NPAS2: variants seen among roughly 807,000 people sequenced by gnomAD.
NPAS2 encodes the protein neuronal PAS domain protein 2, also known as neuronal PAS domain-containing protein 2.
A neutral mutation model predicts 107.5 loss-of-function variants in NPAS2; 23 were observed. That is an observed-to-expected ratio of 0.21 (90% CI 0.15 to 0.30). The LOEUF is 0.30. Ranked by LOEUF, NPAS2 falls within the 10% of genes least tolerant of loss-of-function variation. The probability of loss-of-function intolerance (pLI) is 1.00; values close to 1 mark genes in which losing one functional copy is unlikely to be tolerated. For missense variants in NPAS2, 756 were observed against 1,043.3 expected (o/e 0.72, Z 3.79); for synonymous variants, 403 against 417.5 (o/e 0.97, Z 0.42).
chr2:100,948,214 G>C (rs1324659295), intron 5 of NPAS2, 21 bp from the exon 6 acceptor site: 2 of 1,610,662 alleles, frequency 1.2e-6, no homozygotes, highest in Non-Finnish European at 1.7e-6. Flanking sequence ...GTGTACCTTT[G>C]TCCTTTATTT....
chr2:100,952,671 G>A (rs552454073), intron 7 of NPAS2, among the ~76,000 whole-genome samples: 6 of 152,132 alleles, frequency 3.9e-5, no homozygotes, highest in African/African-American at 1.4e-4. Flanking sequence ...TTAAGATGCT[G>A]CTGAATATCC....
Position 100,820,596 on chromosome 2 carries a change from T to TC in NPAS2, c.-23+184dup, listed in dbSNP as rs1231211985. ...GGGGGCGCGGAGAGGTGGGTTCCCCTCCACAGTCAGGCCGCTGGGGGCTTC... is the reference window on the plus strand; with the variant it reads ...GGGGGCGCGGAGAGGTGGGTTCCCCTCCCACAGTCAGGCCGCTGGGGGCTTC... On this transcript the variant is annotated intron_variant, in intron 1 of 20. Coordinates refer to ENST00000335681, the MANE Select transcript of NPAS2 (RefSeq NM_002518.4). The surrounding 1 kb of genome is among the most constrained non-coding windows in gnomAD (Gnocchi z 5.6). Among the ~76,000 whole-genome samples the TC allele has an allele frequency of 6.6e-6, 1 of 151,928 alleles. No individual in the cohort carries two copies. Among genetic ancestry groups the TC allele is most frequent in the Non-Finnish European group, 1.5e-5 (1 of 67,920 alleles).
At chr2:100,926,798 G>A (rs1262314837) in intron 3 of NPAS2, among the ~76,000 whole-genome samples, 2 of 152,094 alleles carry the variant, frequency 1.3e-5, no homozygotes, top group Non-Finnish European at 2.9e-5. Context: ...ATTTTAATCA[G>A]TTAATGTCAA....
At chr2:100,824,847 G>A (rs1407059957) in intron 1 of NPAS2, among the ~76,000 whole-genome samples, 1 of 152,166 alleles carries the variant, frequency 6.6e-6, no homozygotes, top group Non-Finnish European at 1.5e-5. Flanking sequence ...AGTAAATCTT[G>A]AAAACCAAGT....
At chr2:100,839,035 C>G (rs916919719) in intron 1 of NPAS2, among the ~76,000 whole-genome samples, 1 of 152,140 alleles carries the variant, frequency 6.6e-6, no homozygotes, top group East Asian at 1.9e-4. Context: ...TCTCCCACCC[C>G]TGAGACAGCA....
intron 5 of NPAS2, among the ~76,000 whole-genome samples, chr2:100,941,038 G>T (rs1300766421): frequency 6.6e-6 from 1 of 152,200 alleles, no homozygotes; most frequent in Non-Finnish European, 1.5e-5. Flanking sequence ...TGTGACTGGG[G>T]ATTGGAGAGC....
intron 16 of NPAS2, chr2:100,982,629 C>T (rs1420738716): frequency 2.6e-5 from 14 of 530,826 alleles, no homozygotes; most frequent in Non-Finnish European, 4.1e-5. Context: ...CTGCTCACTG[C>T]CTCCACCTAC....
chr2:100,978,660 GTAAGTC>G (rs1677197096), intron 15 of NPAS2, among the ~76,000 whole-genome samples: 1 of 152,256 alleles, frequency 6.6e-6, no homozygotes, highest in East Asian at 1.9e-4. Context: ...ATGTAAAGAT[GTAAGTC>G]AGCCCTTGCT....
intron 1 of NPAS2, among the ~76,000 whole-genome samples, chr2:100,840,265 T>C (rs1206750889): frequency 1.3e-5 from 2 of 152,154 alleles, no homozygotes; most frequent in Admixed American, 6.5e-5. Flanking sequence ...TATCTAAATT[T>C]TACAGTTCCA....
At chr2:100,982,450 G>T in intron 16 of NPAS2, 73 bp downstream of exon 16, 1 of 1,557,578 alleles carries the variant, frequency 6.4e-7, no homozygotes. Flanking sequence ...TTTCCGGGCA[G>T]CCAGGACTTC....
chr2:100,906,424 CA>C (rs1682149509), intron 2 of NPAS2, among the ~76,000 whole-genome samples: 1 of 152,210 alleles, frequency 6.6e-6, no homozygotes, highest in African/African-American at 2.4e-5. Flanking sequence ...CCTCATCTCT[CA>C]AAGCCTCTGT....
At chr2:100,847,617 A>T (rs1317691491) in intron 1 of NPAS2, among the ~76,000 whole-genome samples, 1 of 152,116 alleles carries the variant, frequency 6.6e-6, no homozygotes, top group Non-Finnish European at 1.5e-5. Context: ...TGATCCGCCC[A>T]CCTTGGCCTC....
chr2:100,847,624 C>T (rs1413455669), intron 1 of NPAS2, among the ~76,000 whole-genome samples: 4 of 152,196 alleles, frequency 2.6e-5, no homozygotes, highest in Non-Finnish European at 5.9e-5. Context: ...CCCACCTTGG[C>T]CTCCCAAAGT....
intron 1 of NPAS2, among the ~76,000 whole-genome samples, chr2:100,852,573 C>A (rs1241540596): frequency 6.6e-6 from 1 of 152,064 alleles, no homozygotes; most frequent in Non-Finnish European, 1.5e-5. Flanking sequence ...ACAGCATACC[C>A]CATTTGGCCC....
intron 1 of NPAS2, among the ~76,000 whole-genome samples, chr2:100,863,690 A>C (rs1035084195): frequency 2.0e-5 from 3 of 152,170 alleles, no homozygotes; most frequent in Non-Finnish European, 4.4e-5. Context: ...ATACAGTTGG[A>C]CCATTTTCAC....
chr2:100,964,226 A>T (rs1676082221), intron 8 of NPAS2, 50 bp downstream of exon 8: 3 of 1,172,398 alleles, frequency 2.6e-6, no homozygotes, highest in Non-Finnish European at 3.9e-6. Context: ...TGATTGACTC[A>T]CATTTTGTTA....
At chr2:100,922,368 G>A (rs1157682892) in intron 2 of NPAS2, among the ~76,000 whole-genome samples, 1 of 152,066 alleles carries the variant, frequency 6.6e-6, no homozygotes, top group Non-Finnish European at 1.5e-5. Flanking sequence ...GATCACCTGA[G>A]GTCAGGAGTT....
chr2:100,909,334 G>C (rs1682377007), intron 2 of NPAS2, among the ~76,000 whole-genome samples: 1 of 152,260 alleles, frequency 6.6e-6, no homozygotes, highest in African/African-American at 2.4e-5. Context: ...GCCAAGACAG[G>C]ATGGAGATCG....
chr2:100,929,972 A>G (rs1683833495), intron 3 of NPAS2, among the ~76,000 whole-genome samples: 2 of 152,240 alleles, frequency 1.3e-5, no homozygotes, highest in African/African-American at 2.4e-5. Flanking sequence ...TGAACTGTAC[A>G]CTTATTCTCT....
Sources: allele counts gnomAD v4.1 joint callset (sites outside exome capture counted in the v4.1 genomes callset), GRCh38; gene constraint gnomAD v4.1.1; non-coding constraint Gnocchi (gnomAD v3.1); transcripts MANE v1.5; gene names NCBI Gene and HGNC (gene_info 2026-07-23, HGNC 2026-07-21).